LDB2: variants seen among roughly 807,000 people sequenced by gnomAD.
The protein encoded by LDB2 is LIM domain-binding protein 2.
Under a neutral mutation model 44.3 loss-of-function variants are expected in LDB2, and 12 were observed. The ratio of observed to expected loss-of-function variants is 0.27; its 90% CI spans 0.17 to 0.44. LDB2 has a LOEUF of 0.44. LDB2 is among the 20% of genes least tolerant of loss of function. The pLI, the probability that LDB2 is intolerant of heterozygous loss-of-function variation, is 1.00. For synonymous variants in LDB2, 164 were observed against 174.8 expected (o/e 0.94, Z 0.49); for missense variants, 344 against 473.5 (o/e 0.73, Z 2.54).
chr4:16,504,185 C>G (rs1718445542), intron 7 of LDB2, among the ~76,000 whole-genome samples: 1 of 152,170 alleles, frequency 6.6e-6, no homozygotes, highest in Middle Eastern at 3.2e-3. Flanking sequence ...ATTCATTTTA[C>G]TAGAGCTTTG....
At chr4:16,507,023 C>T (rs536756837) in intron 7 of LDB2, 110 of 152,250 alleles carry the variant, frequency 7.2e-4, no homozygotes, top group African/African-American at 2.4e-3. Context: ...GCCATTTTCT[C>T]TATTCAAAAT....
chr4:16,859,462 C>T (rs1433100531), intron 1 of LDB2, among the ~76,000 whole-genome samples: 1 of 152,190 alleles, frequency 6.6e-6, no homozygotes, highest in Non-Finnish European at 1.5e-5. Flanking sequence ...TACAATACCC[C>T]ATTTCTGTTT....
At chr4:16,751,998 C>T (rs764083955) in intron 2 of LDB2, among the ~76,000 whole-genome samples, 4 of 152,074 alleles carry the variant, frequency 2.6e-5, no homozygotes, top group Non-Finnish European at 4.4e-5. Flanking sequence ...ATCACAACAT[C>T]GGGTGCTAGA....
At chr4:16,802,088 T>C (rs1777937532) in intron 1 of LDB2, among the ~76,000 whole-genome samples, 1 of 152,164 alleles carries the variant, frequency 6.6e-6, no homozygotes, top group African/African-American at 2.4e-5. Context: ...AAATAATGTG[T>C]AGGGAAGGGC....
intron 1 of LDB2, among the ~76,000 whole-genome samples, chr4:16,836,557 C>G (rs1784909714): frequency 6.6e-6 from 1 of 152,208 alleles, no homozygotes; most frequent in Non-Finnish European, 1.5e-5. Flanking sequence ...AAACTGGCAG[C>G]TCTCACTGCT....
At chr4:16,734,881 G>T (rs1761555171) in intron 2 of LDB2, among the ~76,000 whole-genome samples, 1 of 151,738 alleles carries the variant, frequency 6.6e-6, no homozygotes, top group Admixed American at 6.6e-5. Context: ...GCTAATTTTT[G>T]TATCTTTAGT....
intron 1 of LDB2, among the ~76,000 whole-genome samples, chr4:16,844,979 T>C (rs1786668340): frequency 6.6e-6 from 1 of 152,206 alleles, no homozygotes; most frequent in South Asian, 2.1e-4. Flanking sequence ...TAAACATCCA[T>C]AAGCAGATGC....
chr4:16,845,516 T>C (rs2110139175), intron 1 of LDB2, among the ~76,000 whole-genome samples: 1 of 152,336 alleles, frequency 6.6e-6, no homozygotes, highest in African/African-American at 2.4e-5. Context: ...ATGTTTGTTA[T>C]GGTTGCTAAT....
chr4:16,589,477 A>G (rs2152430851), intron 3 of LDB2, among the ~76,000 whole-genome samples: 2 of 152,302 alleles, frequency 1.3e-5, no homozygotes, highest in African/African-American at 4.8e-5. Context: ...GGGACACTTT[A>G]TCTTTCTAAG....
rs1333988610 is a variant in LDB2 at position 16,502,685 on chromosome 4, T to C, written c.1080A>G (p.Gln360=). 2 of 1,613,966 alleles carry C rather than the reference T, an allele frequency of 1.2e-6. No homozygotes were observed. Among genetic ancestry groups the C allele is most frequent in the Non-Finnish European group, 1.7e-6 (2 of 1,179,958 alleles). The part of the protein sequence containing the change: ...SPWNSKPPAT[Q]ETKSENPPPQ... ...GTGGGGGGTTTTCTGATTTGGTCTC[T>C]TGAGTGGCGGGAGGTTTACTGTTCC... The change falls in exon 8 of 8, where the codon CAA becomes CAG. Residue 360 remains glutamine (Q), a synonymous_variant. Transcript: ENST00000304523.
intron 1 of LDB2, among the ~76,000 whole-genome samples, chr4:16,838,121 G>A (rs1175581116): frequency 6.6e-6 from 1 of 152,214 alleles, no homozygotes; most frequent in Admixed American, 6.5e-5. Flanking sequence ...TGTATGAACA[G>A]CAAAGCTATT....
intron 2 of LDB2, among the ~76,000 whole-genome samples, chr4:16,667,328 C>T (rs759397482): frequency 5.9e-5 from 9 of 152,162 alleles, no homozygotes; most frequent in East Asian, 1.9e-4. Flanking sequence ...TTGCCGTGCA[C>T]GGAGCCCTGG....
At chr4:16,699,778 T>C (rs1395717815) in intron 2 of LDB2, among the ~76,000 whole-genome samples, 1 of 152,194 alleles carries the variant, frequency 6.6e-6, no homozygotes, top group Admixed American at 6.5e-5. Context: ...CATTGCTCAG[T>C]TCTCTCCTCT....
chr4:16,693,905 A>C (rs2152609811), intron 2 of LDB2, among the ~76,000 whole-genome samples: 1 of 152,330 alleles, frequency 6.6e-6, no homozygotes, highest in Non-Finnish European at 1.5e-5. Flanking sequence ...AGCGAAGGAA[A>C]GTGAGATGCA....
At chr4:16,540,616 T>G (rs990127958) in intron 5 of LDB2, among the ~76,000 whole-genome samples, 40 of 152,182 alleles carry the variant, frequency 2.6e-4, no homozygotes, top group African/African-American at 8.9e-4. Flanking sequence ...CCTCTCCTAC[T>G]TGATTGCAAG....
chr4:16,794,318 G>C (rs1252333513), intron 1 of LDB2, among the ~76,000 whole-genome samples: 6 of 152,282 alleles, frequency 3.9e-5, no homozygotes, highest in Admixed American at 3.3e-4. Context: ...AAGGGAACAG[G>C]TGGCTAAAAG....
intron 2 of LDB2, among the ~76,000 whole-genome samples, chr4:16,637,609 G>A (rs996649579): frequency 1.3e-5 from 2 of 152,042 alleles, no homozygotes; most frequent in African/African-American, 4.8e-5. Flanking sequence ...GTAATTAATT[G>A]TAACAAAAGC....
chr4:16,527,087 T>G (rs1486566285), intron 5 of LDB2, among the ~76,000 whole-genome samples: 1 of 152,246 alleles, frequency 6.6e-6, no homozygotes, highest in Non-Finnish European at 1.5e-5. Context: ...TGTTCTCGAA[T>G]GTAACTGGGC....
intron 2 of LDB2, among the ~76,000 whole-genome samples, chr4:16,718,844 T>A (rs980256807): frequency 2.6e-5 from 4 of 152,254 alleles, no homozygotes; most frequent in African/African-American, 9.6e-5. Context: ...CTTTTGGAAA[T>A]GCTGCAGTAA....
Sources: gnomAD v4.1 joint callset for allele counts (sites outside exome capture counted in the v4.1 genomes callset) on GRCh38, gnomAD v4.1.1 for gene constraint, MANE v1.5 for transcripts, NCBI Gene and HGNC (gene_info 2026-07-23, HGNC 2026-07-21) for gene names.